SLC25A36: variants seen among roughly 807,000 people sequenced by gnomAD.
SLC25A36 encodes solute carrier family 25 member 36.
Under a neutral mutation model 35.3 loss-of-function variants are expected in SLC25A36, and 24 were observed. The observed-to-expected ratio is 0.68, with a 90% confidence interval of 0.49 to 0.96. The LOEUF is 0.96. SLC25A36 is among the 40% of genes least tolerant of loss of function. The pLI is 0.00. For synonymous variants in SLC25A36, 141 were observed against 132.2 expected (o/e 1.07, Z -0.46); for missense variants, 294 against 381.1 (o/e 0.77, Z 1.90).
chr3:140,941,892 G>A lies in SLC25A36; in HGVS notation c.-163G>A. On this transcript the variant is annotated 5_prime_UTR_variant, in exon 1 of 7. Coordinates refer to ENST00000324194, the MANE Select transcript of SLC25A36 (RefSeq NM_001104647.3). ...GGCGGTGGCGCGGCTGGAGTGCCGC[G>A]GGGAGGGCTGTGCCGGTTGCTTTCT... 1 of 516,056 alleles carries A rather than the reference G, an allele frequency of 1.9e-6. No individual in the cohort carries two copies. The highest frequency in any genetic ancestry group is 3.5e-6 in the Non-Finnish European group (1 of 289,110). The allele number at this position is 516,056 out of a possible 1,614,324, so 32.0% of individuals were successfully genotyped here. A position where few individuals can be genotyped will look rare whatever the true frequency, so the allele number is the denominator to read the frequency against.
At position 140,953,689 on chromosome 3, in the gene SLC25A36, G is replaced by T. The variant is rs557644819; in HGVS notation, c.42-2838G>T. 2.4e-4 allele frequency among the ~76,000 whole-genome samples: 37 copies of T among 152,284 alleles called. 1 individual carries two copies. Among genetic ancestry groups the T allele is most frequent in the Admixed American group, 2.3e-3 (35 of 15,292 alleles). ...GTCAGGATATTGGCTGGGCCTAGTG[G>T]TTCATGCTTATAATCCCCGTACTTT... is the stretch of plus-strand genomic sequence containing the variant. On this transcript the variant is annotated intron_variant, in intron 1 of 6. Coordinates refer to ENST00000324194, the MANE Select transcript of SLC25A36 (RefSeq NM_001104647.3).
At position 140,956,672 on chromosome 3, in the gene SLC25A36, G is replaced by A. The variant is rs780161613; in HGVS notation, c.187G>A (p.Gly63Arg). 68 of 1,610,590 alleles carry A rather than the reference G, an allele frequency of 4.2e-5. No homozygotes were observed. The South Asian group carries it at 4.3e-4, about 10-fold the overall frequency. ...CAGTGTCAACCGAGTAGTGTCTCCC[G>A]GACCTCTTCATTGCCTAAAGTGAGA... ...GASVNRVVSP[G>R]PLHCLKVILE... Residue 63 changes from glycine to arginine, a missense_variant, in exon 2 of 7, where the codon GGA becomes AGA. Coordinates refer to ENST00000324194, the MANE Select transcript of SLC25A36 (RefSeq NM_001104647.3).
At chr3:140,945,481 A>G (rs1245577451) in intron 1 of SLC25A36, among the ~76,000 whole-genome samples, 1 of 152,226 alleles carries the variant, frequency 6.6e-6, no homozygotes, top group East Asian at 1.9e-4. Flanking sequence ...GAATTACTGT[A>G]GCACAGCAGC....
chr3:140,941,921 G>T lies in SLC25A36; in HGVS notation c.-134G>T. 1 of 577,944 alleles carries T rather than the reference G, an allele frequency of 1.7e-6. No homozygotes were observed. Among genetic ancestry groups the T allele is most frequent in the Non-Finnish European group, 3.0e-6 (1 of 334,522 alleles). 35.8% of individuals were successfully genotyped at this position (577,944 alleles called of 1,614,324 possible). On this transcript the variant is annotated 5_prime_UTR_variant, in exon 1 of 7. Coordinates refer to ENST00000324194, the MANE Select transcript of SLC25A36 (RefSeq NM_001104647.3). ...AGGGCTGTGCCGGTTGCTTTCTGCA[G>T]CCGCATCTCGGCCAGCTCTCCTCGC...
chr3:140,954,009 A>G (rs1427081686), intron 1 of SLC25A36, among the ~76,000 whole-genome samples: 1 of 152,058 alleles, frequency 6.6e-6, no homozygotes, highest in Non-Finnish European at 1.5e-5. Context: ...AGTTTTTGTT[A>G]TTCCAAGAAT....
In SLC25A36 at chr3:140,974,009, A is replaced by G. The variant is rs373778447; in HGVS notation, c.742+4A>G. ...ACAACTATAGCATATCCACATGGTA[A>G]GAAGAGTTATCTATTAAATCAGAAA... On this transcript the variant is annotated splice_donor_region_variant and intron_variant, in intron 6 of 6. Coordinates refer to ENST00000324194, the MANE Select transcript of SLC25A36 (RefSeq NM_001104647.3). 8 of 1,516,346 alleles carry G rather than the reference A, an allele frequency of 5.3e-6. No homozygotes were observed. In the African/African-American group the frequency reaches 5.6e-5, roughly 11 times the overall value. The allele number at this position is 1,516,346 out of a possible 1,614,324, so 93.9% of individuals were successfully genotyped here. A position where few individuals can be genotyped will look rare whatever the true frequency, so the allele number is the denominator to read the frequency against.
chr3:140,941,934 C>T lies in SLC25A36; in HGVS notation c.-121C>T. On this transcript the variant is annotated 5_prime_UTR_variant, in exon 1 of 7. Transcript: ENST00000324194. ...TTGCTTTCTGCAGCCGCATCTCGGCCAGCTCTCCTCGCCGTCCCCGGGGCG... is the reference window on the plus strand; with the variant it reads ...TTGCTTTCTGCAGCCGCATCTCGGCTAGCTCTCCTCGCCGTCCCCGGGGCG... The T allele has an allele frequency of 1.7e-6, 1 of 603,402 alleles. No individual in the cohort carries two copies. The highest frequency in any genetic ancestry group is 3.7e-5 in the Admixed American group (1 of 26,792). The allele number at this position is 603,402 out of a possible 1,614,324, so 37.4% of individuals were successfully genotyped here.
In SLC25A36 at chr3:140,980,954, T is replaced by A. The variant is rs1935167122; in HGVS notation, c.*4501T>A. Among the ~76,000 whole-genome samples, 1 of 152,200 alleles carries A rather than the reference T, an allele frequency of 6.6e-6. No homozygotes were observed. Among genetic ancestry groups the A allele is most frequent in the Admixed American group, 6.5e-5 (1 of 15,276 alleles). On this transcript the variant is annotated 3_prime_UTR_variant, in exon 7 of 7. Coordinates refer to ENST00000324194, the MANE Select transcript of SLC25A36 (RefSeq NM_001104647.3). ...GGTGTCATGTGATTTCTTAATAGCC[T>A]ATAGATCCAATAAATACAGAGGAAT...
chr3:140,968,463 A>T (rs1423482879), intron 4 of SLC25A36: 2 of 983,574 alleles, frequency 2.0e-6, no homozygotes, highest in African/African-American at 3.5e-5. Context: ...TCACTTACCT[A>T]AATTTTAATG....
rs1471266175 is a variant in SLC25A36, at chr3:140,976,545, AAT to A, written c.*94_*95del. 2.7e-6 allele frequency: 3 copies of A among 1,119,268 alleles called. No individual in the cohort carries two copies. In the African/African-American group the frequency reaches 4.7e-5, roughly 17 times the overall value. 69.3% of individuals were successfully genotyped at this position (1,119,268 alleles called of 1,614,324 possible). On this transcript the variant is annotated 3_prime_UTR_variant, in exon 7 of 7. Transcript: ENST00000324194. ...AAGCCAGCATGGCAGACAGAAGAAAAATAGTTTGGGAACATGTAACTATTCTA... is the reference window on the plus strand; with the variant it reads ...AAGCCAGCATGGCAGACAGAAGAAAAAGTTTGGGAACATGTAACTATTCTA...
chr3:140,973,575 C>T (rs1934961008), intron 5 of SLC25A36, 141 bp from the exon 6 acceptor site: 1 of 663,612 alleles, frequency 1.5e-6, no homozygotes, highest in Non-Finnish European at 2.2e-6. Context: ...AATAGGAAAT[C>T]TAAAATATGA....
chr3:140,968,475 G>A (rs1298049545), intron 4 of SLC25A36: 4 of 983,486 alleles, frequency 4.1e-6, no homozygotes, highest in Admixed American at 6.2e-5. Context: ...ATTTTAATGT[G>A]TCCTGTTACA....
chr3:140,969,727 A>G (rs889976918), intron 4 of SLC25A36, among the ~76,000 whole-genome samples: 47 of 152,022 alleles, frequency 3.1e-4, no homozygotes, highest in African/African-American at 1.1e-3. Context: ...AAGCCAAGAA[A>G]GGTTTATGAT....
At chr3:140,968,410 C>G in intron 4 of SLC25A36, 3 of 959,306 alleles carry the variant, frequency 3.1e-6, no homozygotes, top group Non-Finnish European at 3.7e-6. Flanking sequence ...GTAAACATAG[C>G]TTACTGATAA....
intron 1 of SLC25A36, among the ~76,000 whole-genome samples, chr3:140,943,705 A>G (rs1934085123): frequency 6.6e-6 from 1 of 151,968 alleles, no homozygotes; most frequent in African/African-American, 2.4e-5. Flanking sequence ...GTTGTATTAT[A>G]TGATCTCTAA....
At chr3:140,946,883 A>G (rs898731296) in intron 1 of SLC25A36, among the ~76,000 whole-genome samples, 13 of 152,162 alleles carry the variant, frequency 8.5e-5, no homozygotes, top group Admixed American at 3.9e-4. Flanking sequence ...AGGGATATAT[A>G]TTTAGTAGTC....
In SLC25A36 at chr3:140,949,458, T is replaced by TATTCTATAAG. The variant is rs1250655515; in HGVS notation, c.42-7066_42-7057dup. ...TGATACCATATTAAACAATTTTAAA[T>TATTCTATAAG]ATTCTATAAGATCAATACATAGCTA... On this transcript the variant is annotated intron_variant, in intron 1 of 6. Coordinates refer to ENST00000324194, the MANE Select transcript of SLC25A36 (RefSeq NM_001104647.3). Among the ~76,000 whole-genome samples, 8 of 152,338 alleles carry TATTCTATAAG rather than the reference T, an allele frequency of 5.3e-5. No homozygotes were observed. In the South Asian group the frequency reaches 8.3e-4, roughly 16 times the overall value.
At chr3:140,968,977 T>C (rs2107810004) in intron 4 of SLC25A36, among the ~76,000 whole-genome samples, 1 of 151,978 alleles carries the variant, frequency 6.6e-6, no homozygotes, top group South Asian at 2.1e-4. Flanking sequence ...TGATGCAGAA[T>C]ATTTTGTTGG....
intron 4 of SLC25A36, chr3:140,965,984 C>T (rs752960536): frequency 6.6e-6 from 1 of 151,704 alleles, no homozygotes; most frequent in Admixed American, 6.6e-5. Flanking sequence ...CATGTATATA[C>T]TTTTATATAG....
Sources: allele counts gnomAD v4.1 joint callset (sites outside exome capture counted in the v4.1 genomes callset), GRCh38; gene constraint gnomAD v4.1.1; transcripts MANE v1.5; gene names NCBI Gene and HGNC (gene_info 2026-07-23, HGNC 2026-07-21).